Variants in PTPRR observed in about 807,000 individuals in gnomAD.
The protein encoded by PTPRR is protein tyrosine phosphatase receptor type R.
PTPRR carries 38 observed loss-of-function variants against 77.2 expected under a neutral mutation model. That is an observed-to-expected ratio of 0.49 (90% CI 0.38 to 0.65). The LOEUF is 0.65. Ranked by LOEUF, PTPRR falls within the 30% of genes least tolerant of loss-of-function variation. The pLI is 0.00. For missense variants in PTPRR, 744 were observed against 799.2 expected, an observed-to-expected ratio of 0.93 and a Z score of 0.83; for synonymous variants, 299 against 283.1, an observed-to-expected ratio of 1.06 and a Z score of -0.57.
At chr12:70,917,904 C>A (rs1893797984) in intron 1 of PTPRR, among the ~76,000 whole-genome samples, 1 of 152,168 alleles carries the variant, frequency 6.6e-6, no homozygotes, top group Admixed American at 6.5e-5. Context: ...GTTGCTGATA[C>A]CCTGGGCGTA....
At chr12:70,801,317 C>T (rs1891610888) in intron 2 of PTPRR, among the ~76,000 whole-genome samples, 2 of 152,134 alleles carry the variant, frequency 1.3e-5, no homozygotes, top group South Asian at 4.1e-4. Flanking sequence ...TTTGGTTAAA[C>T]ATTATTCTGG....
chr12:70,771,702 A>G (rs1890981812), intron 2 of PTPRR, among the ~76,000 whole-genome samples: 1 of 152,182 alleles, frequency 6.6e-6, no homozygotes, highest in South Asian at 2.1e-4. Context: ...ACAGAATGGA[A>G]TCTGTGGCCA....
At chr12:70,708,588 G>C (rs1423646718) in intron 6 of PTPRR, among the ~76,000 whole-genome samples, 1 of 150,970 alleles carries the variant, frequency 6.6e-6, no homozygotes, top group African/African-American at 2.4e-5. Context: ...TTGTCATTTG[G>C]TATTGTTTTG....
chr12:70,817,843 T>G (rs1477453570), intron 2 of PTPRR, among the ~76,000 whole-genome samples: 1 of 152,266 alleles, frequency 6.6e-6, no homozygotes, highest in Non-Finnish European at 1.5e-5. Flanking sequence ...AAACCATTTA[T>G]AGCTTTAATA....
At chr12:70,872,021 C>T in intron 2 of PTPRR, among the ~76,000 whole-genome samples, 1 of 152,130 alleles carries the variant, frequency 6.6e-6, no homozygotes, top group Middle Eastern at 3.2e-3. Flanking sequence ...TTTGTCTGAA[C>T]ACCAAACAAC....
chr12:70,687,581 A>G (rs1017324318), intron 8 of PTPRR, among the ~76,000 whole-genome samples: 6 of 152,166 alleles, frequency 3.9e-5, no homozygotes, highest in African/African-American at 1.4e-4. Context: ...CTTAGGTGGC[A>G]TCCAAGAATC....
chr12:70,715,332 G>A (rs1290139846), intron 6 of PTPRR, among the ~76,000 whole-genome samples: 1 of 152,174 alleles, frequency 6.6e-6, no homozygotes, highest in Non-Finnish European at 1.5e-5. Context: ...CAAGGCAAAT[G>A]GAGGCAGGGT....
intron 2 of PTPRR, among the ~76,000 whole-genome samples, chr12:70,805,679 A>T (rs1045401592): frequency 6.6e-6 from 1 of 152,232 alleles, no homozygotes; most frequent in African/African-American, 2.4e-5. Context: ...AATTTCCATT[A>T]GCAGTTTATT....
intron 2 of PTPRR, among the ~76,000 whole-genome samples, chr12:70,773,587 A>G (rs1490690322): frequency 6.6e-6 from 1 of 152,086 alleles, no homozygotes; most frequent in Non-Finnish European, 1.5e-5. Flanking sequence ...GGGTAAAGGC[A>G]GTGGTAAAGT....
Position 70,920,452 on chromosome 12 carries a change from A to G in PTPRR, c.-62T>C. The G allele has an allele frequency of 6.6e-7, 1 of 1,523,362 alleles. No homozygotes were observed. Among genetic ancestry groups the G allele is most frequent in the Non-Finnish European group, 9.0e-7 (1 of 1,107,608 alleles). The allele number at this position is 1,523,362 out of a possible 1,614,324, so 94.4% of individuals were successfully genotyped here. On this transcript the variant is annotated 5_prime_UTR_variant, in exon 1 of 14. Transcript: ENST00000283228. ...ACGACCCCACTTCAGGTAAAGTGCT[A>G]TTAGAAAGAGCCACCGCCAAGGGTC...
intron 2 of PTPRR, among the ~76,000 whole-genome samples, chr12:70,883,039 G>A (rs1893175640): frequency 6.6e-6 from 1 of 152,142 alleles, no homozygotes; most frequent in Admixed American, 6.5e-5. Context: ...TTGGGAGTCT[G>A]AGGCTGGTAG....
intron 6 of PTPRR, among the ~76,000 whole-genome samples, chr12:70,718,396 G>A (rs1889115427): frequency 6.6e-6 from 1 of 152,166 alleles, no homozygotes; most frequent in African/African-American, 2.4e-5. Flanking sequence ...CTCCCGAGTA[G>A]CTGGGATTAC....
At chr12:70,843,674 T>C (rs1892434156) in intron 2 of PTPRR, among the ~76,000 whole-genome samples, 1 of 152,184 alleles carries the variant, frequency 6.6e-6, no homozygotes, top group Non-Finnish European at 1.5e-5. Context: ...TAATTATCTT[T>C]GTTATTGTAA....
At chr12:70,895,096 C>T (rs566886481) in intron 1 of PTPRR, among the ~76,000 whole-genome samples, 38 of 151,616 alleles carry the variant, frequency 2.5e-4, no homozygotes, top group African/African-American at 7.5e-4. Context: ...TGAAGGGATA[C>T]GGGTGAAACA....
At chr12:70,904,385 G>A (rs1893588001) in intron 1 of PTPRR, among the ~76,000 whole-genome samples, 1 of 151,826 alleles carries the variant, frequency 6.6e-6, no homozygotes, top group South Asian at 2.1e-4. Flanking sequence ...GTAAAAAAAA[G>A]TGAGCTATTG....
intron 2 of PTPRR, among the ~76,000 whole-genome samples, chr12:70,870,299 T>C (rs1482011335): frequency 1.3e-5 from 2 of 152,150 alleles, no homozygotes; most frequent in Non-Finnish European, 2.9e-5. Flanking sequence ...AGCCTCAATG[T>C]CATTATCTGC....
At chr12:70,803,597 A>G (rs1326422940) in intron 2 of PTPRR, among the ~76,000 whole-genome samples, 1 of 152,190 alleles carries the variant, frequency 6.6e-6, no homozygotes, top group Non-Finnish European at 1.5e-5. Flanking sequence ...CATAGGTTCT[A>G]CTATGAGAAT....
At position 70,698,306 on chromosome 12, in the gene PTPRR, G is replaced by T. The variant is rs144153905; in HGVS notation, c.1238C>A (p.Pro413Gln). ...ATAGCGATTTTTAGTTCCATGACGC[G>T]GAATATCAATTTCTTTGGGATCCAC... is the stretch of plus-strand genomic sequence containing the variant. ...NFVDPKEIDI[P>Q]RHGTKNRYKT... The change falls in exon 8 of 14, where the codon CCG (proline) becomes CAG (glutamine). Residue 413 changes from proline to glutamine, a missense_variant. Around this residue, in one of 3 missense-constraint regions of PTPRR, gnomAD observed 570 missense variants for 573.2 expected, o/e 0.99. Coordinates refer to ENST00000283228, the MANE Select transcript of PTPRR (RefSeq NM_002849.4). The T allele has an allele frequency of 6.2e-7, 1 of 1,612,598 alleles. No individual in the cohort carries two copies.
chr12:70,765,958 C>CTGT (rs1890811016), intron 2 of PTPRR, among the ~76,000 whole-genome samples: 1 of 152,204 alleles, frequency 6.6e-6, no homozygotes, highest in African/African-American at 2.4e-5. Flanking sequence ...AGGGTCCTGT[C>CTGT]TGTTAGAAGG....
Sources: gnomAD v4.1 joint callset for allele counts (sites outside exome capture counted in the v4.1 genomes callset) on GRCh38, gnomAD v4.1.1 for gene constraint, gnomAD v4.1.1 regional missense constraint, MANE v1.5 for transcripts, NCBI Gene and HGNC (gene_info 2026-07-23, HGNC 2026-07-21) for gene names.